Variants in TRPC4 observed in about 807,000 individuals in gnomAD.
TRPC4 encodes short transient receptor potential channel 4.
In TRPC4, 49 loss-of-function variants were observed where a neutral mutation model predicts 99.4. The observed-to-expected ratio is 0.49, with a 90% confidence interval of 0.39 to 0.63. The LOEUF is 0.63. TRPC4 is among the 20% of genes least tolerant of loss of function. TRPC4 has a pLI of 0.00. For missense variants in TRPC4, 898 were observed against 1,152.9 expected, an observed-to-expected ratio of 0.78 and a Z score of 3.20; for synonymous variants, 454 against 425.9, an observed-to-expected ratio of 1.07 and a Z score of -0.81.
chr13:37,737,445 A>T (rs1375191311), intron 3 of TRPC4, among the ~76,000 whole-genome samples: 1 of 152,046 alleles, frequency 6.6e-6, no homozygotes, highest in East Asian at 1.9e-4. Flanking sequence ...TATCCAATTC[A>T]TAGACCTTAT....
chr13:37,675,234 A>AAAAGTG (rs1223254822), intron 4 of TRPC4, among the ~76,000 whole-genome samples: 1 of 152,218 alleles, frequency 6.6e-6, no homozygotes, highest in East Asian at 1.9e-4. Flanking sequence ...TGACTCAAGA[A>AAAAGTG]AAAGTGAAAT....
intron 1 of TRPC4, among the ~76,000 whole-genome samples, chr13:37,867,969 C>T (rs1959877904): frequency 6.6e-6 from 1 of 152,030 alleles, no homozygotes; most frequent in South Asian, 2.1e-4. Context: ...AAAATTTCCT[C>T]TAATGAGAAA....
chr13:37,840,411 G>A (rs542915370), intron 1 of TRPC4, among the ~76,000 whole-genome samples: 1 of 152,108 alleles, frequency 6.6e-6, no homozygotes, highest in African/African-American at 2.4e-5. Flanking sequence ...AATCTTTGTA[G>A]GAAAACTCTT....
At chr13:37,747,045 T>A (rs1050208138) in intron 2 of TRPC4, among the ~76,000 whole-genome samples, 13 of 152,182 alleles carry the variant, frequency 8.5e-5, no homozygotes, top group Admixed American at 2.6e-4. Context: ...TCTGGTATAT[T>A]TTCCAGATGA....
chr13:37,634,309 T>C lies in TRPC4; in HGVS notation c.*2594A>G, dbSNP rs1304627174. ...ATTTTATCCCTACTCCTCATCTTCA[T>C]TAATGCTACATAATGTCACTACGTA... On this transcript the variant is annotated 3_prime_UTR_variant, in exon 11 of 11. Transcript: ENST00000379705. Among the ~76,000 whole-genome samples, 1 of 152,118 alleles carries C rather than the reference T, an allele frequency of 6.6e-6. No homozygotes were observed. Among genetic ancestry groups the C allele is most frequent in the African/African-American group, 2.4e-5 (1 of 41,442 alleles).
At chr13:37,831,432 G>T (rs368578942) in intron 1 of TRPC4, among the ~76,000 whole-genome samples, 13 of 152,188 alleles carry the variant, frequency 8.5e-5, no homozygotes, top group Non-Finnish European at 1.9e-4. Context: ...ATACGCTGTT[G>T]TTGGGAATAT....
chr13:37,817,533 T>G (rs1439851265), intron 1 of TRPC4, among the ~76,000 whole-genome samples: 2 of 151,912 alleles, frequency 1.3e-5, no homozygotes, highest in African/African-American at 4.8e-5. Flanking sequence ...ATTTTAAAAT[T>G]TACATGGGAC....
chr13:37,686,054 C>T (rs1020055408), intron 4 of TRPC4, among the ~76,000 whole-genome samples: 1 of 151,998 alleles, frequency 6.6e-6, no homozygotes, highest in African/African-American at 2.4e-5. Flanking sequence ...CTGTGTGTGT[C>T]TGAAGCTAGT....
At chr13:37,815,163 T>A (rs1478212670) in intron 1 of TRPC4, among the ~76,000 whole-genome samples, 1 of 151,704 alleles carries the variant, frequency 6.6e-6, no homozygotes, top group South Asian at 2.1e-4. Flanking sequence ...TCATACAATA[T>A]GGAAAATTCA....
At chr13:37,785,134 TC>T (rs1956936896) in intron 1 of TRPC4, among the ~76,000 whole-genome samples, 1 of 152,092 alleles carries the variant, frequency 6.6e-6, no homozygotes, top group African/African-American at 2.4e-5. Context: ...AATTTAATAT[TC>T]CCCCAATATC....
chr13:37,786,325 C>CAT, intron 1 of TRPC4, among the ~76,000 whole-genome samples: 1 of 124,810 alleles, frequency 8.0e-6, no homozygotes, highest in Non-Finnish European at 1.8e-5. Flanking sequence ...CACACACACA[C>CAT]ACACACACGT....
At chr13:37,725,065 TA>T (rs1011539206) in intron 3 of TRPC4, among the ~76,000 whole-genome samples, 38 of 151,978 alleles carry the variant, frequency 2.5e-4, no homozygotes, top group Non-Finnish European at 4.6e-4. Context: ...AAGAATTTTT[TA>T]AAAAAAGAAA....
intron 1 of TRPC4, among the ~76,000 whole-genome samples, chr13:37,836,574 A>G (rs1958572705): frequency 6.6e-6 from 1 of 152,154 alleles, no homozygotes. Context: ...CCCCTGCCCT[A>G]GAGATTTATG....
chr13:37,676,519 C>T (rs1200201407), intron 4 of TRPC4, among the ~76,000 whole-genome samples: 4 of 151,836 alleles, frequency 2.6e-5, no homozygotes, highest in Non-Finnish European at 5.9e-5. Context: ...ACTACAGGCA[C>T]GCACTACCCC....
intron 3 of TRPC4, among the ~76,000 whole-genome samples, chr13:37,726,647 C>T (rs1955070676): frequency 6.6e-6 from 1 of 152,092 alleles, no homozygotes; most frequent in Admixed American, 6.6e-5. Context: ...AACTCTCCAA[C>T]TCAACGGACA....
chr13:37,653,851 C>G (rs943344841), intron 7 of TRPC4, among the ~76,000 whole-genome samples: 1 of 152,044 alleles, frequency 6.6e-6, no homozygotes, highest in East Asian at 1.9e-4. Flanking sequence ...TTGTTGCTGA[C>G]GTTCTGGAAA....
chr13:37,700,633 A>G (rs1954075592), intron 3 of TRPC4, among the ~76,000 whole-genome samples: 1 of 152,222 alleles, frequency 6.6e-6, no homozygotes, highest in South Asian at 2.1e-4. Context: ...CTATAGTTTT[A>G]GAAAAAATTA....
At chr13:37,665,839 A>AC (rs1491190165) in intron 5 of TRPC4, among the ~76,000 whole-genome samples, 2 of 120,482 alleles carry the variant, frequency 1.7e-5, no homozygotes, top group African/African-American at 3.4e-5. Flanking sequence ...CTCAGCTGAG[A>AC]CAAAAAAAAA....
intron 1 of TRPC4, among the ~76,000 whole-genome samples, chr13:37,799,768 C>T (rs887908820): frequency 6.6e-5 from 10 of 152,176 alleles, no homozygotes; most frequent in Admixed American, 2.0e-4. Flanking sequence ...CAAGAAGGTT[C>T]GATCTGAAGA....
Sources: gnomAD v4.1 joint callset for allele counts (sites outside exome capture counted in the v4.1 genomes callset) on GRCh38, gnomAD v4.1.1 for gene constraint, MANE v1.5 for transcripts, NCBI Gene and HGNC (gene_info 2026-07-23, HGNC 2026-07-21) for gene names.